Variants in KPNA3 observed in about 807,000 individuals in gnomAD.
The protein encoded by KPNA3 is karyopherin subunit alpha 3.
A neutral mutation model predicts 73.8 loss-of-function variants in KPNA3; 13 were observed. The ratio of observed to expected loss-of-function variants is 0.18; its 90% CI spans 0.11 to 0.28. The LOEUF is 0.28. Ranked by LOEUF, KPNA3 falls within the 10% of genes least tolerant of loss-of-function variation. The pLI, the probability that KPNA3 is intolerant of heterozygous loss-of-function variation, is 1.00. For missense variants in KPNA3, 360 were observed against 618.1 expected (o/e 0.58, Z 4.43); for synonymous variants, 186 against 206.9 (o/e 0.90, Z 0.87).
chr13:49,755,247 A>T lies in KPNA3; in HGVS notation c.70-8254T>A, dbSNP rs368287751. ...AAACCATACTAATAGACTAATGAAG[A>T]CAAATCAATGATTATATTATTCAAT... is the stretch of plus-strand genomic sequence containing the variant. On this transcript the variant is annotated intron_variant, in intron 1 of 16. Transcript: ENST00000261667. Among the ~76,000 whole-genome samples, 126 of 152,316 alleles carry T rather than the reference A, an allele frequency of 8.3e-4. 2 individuals carry two copies. The South Asian group carries it at 9.5e-3, about 12-fold the overall frequency.
intron 1 of KPNA3, among the ~76,000 whole-genome samples, chr13:49,757,405 T>G (rs183675682): frequency 6.6e-6 from 1 of 152,096 alleles, no homozygotes; most frequent in African/African-American, 2.4e-5. Context: ...GAAAAAATAT[T>G]TCATGGAAGA....
rs549665628 is a variant in KPNA3 at position 49,701,704 on chromosome 13, G to A, written c.*96C>T. 2 of 836,544 alleles carry A rather than the reference G, an allele frequency of 2.4e-6. No homozygotes were observed. The highest frequency in any genetic ancestry group is 2.7e-5 in the South Asian group (2 of 73,438). The allele number at this position is 836,544 out of a possible 1,614,324, so 51.8% of individuals were successfully genotyped here. On this transcript the variant is annotated 3_prime_UTR_variant, in exon 17 of 17. Coordinates refer to ENST00000261667, the MANE Select transcript of KPNA3 (RefSeq NM_002267.4). Reference sequence around the variant, plus strand: ...AGCATCAAAACAAAGAGGCATGTGTGTTTTGGAGCCTTTTGTTGCTGTTGT... The same window carrying A: ...AGCATCAAAACAAAGAGGCATGTGTATTTTGGAGCCTTTTGTTGCTGTTGT...
intron 10 of KPNA3, among the ~76,000 whole-genome samples, chr13:49,711,847 G>T (rs1954262969): frequency 6.6e-6 from 1 of 152,104 alleles, no homozygotes; most frequent in Non-Finnish European, 1.5e-5. Context: ...TTCAAAAAAG[G>T]ATATAGATGA....
chr13:49,732,701 C>T, intron 4 of KPNA3, 44 bp from the exon 5 acceptor site: 1 of 1,556,718 alleles, frequency 6.4e-7, no homozygotes, highest in Non-Finnish European at 8.8e-7. Flanking sequence ...AAAAAAAAAT[C>T]AATTTCAAAA....
At position 49,750,923 on chromosome 13, in the gene KPNA3, C is replaced by T. The variant is rs759359092; in HGVS notation, c.70-3930G>A. On this transcript the variant is annotated intron_variant, in intron 1 of 16. Coordinates refer to ENST00000261667, the MANE Select transcript of KPNA3 (RefSeq NM_002267.4). Reference sequence around the variant, plus strand: ...ACAAGAATTGCTTGAACCTGGGAGGCGGAGGTTGCCATGAGCCACGAGTGG... The same window carrying T: ...ACAAGAATTGCTTGAACCTGGGAGGTGGAGGTTGCCATGAGCCACGAGTGG... 5.3e-5 allele frequency among the ~76,000 whole-genome samples: 8 copies of T among 151,822 alleles called. 1 individual carries two copies. The highest frequency in any genetic ancestry group is 3.2e-3 in the Middle Eastern group (1 of 316).
chr13:49,777,649 C>A (rs1954908036), intron 1 of KPNA3, among the ~76,000 whole-genome samples: 1 of 150,824 alleles, frequency 6.6e-6, no homozygotes, highest in Admixed American at 6.7e-5. Flanking sequence ...TACAGGCACA[C>A]GACAATGCAC....
At chr13:49,757,903 G>A (rs1954725333) in intron 1 of KPNA3, among the ~76,000 whole-genome samples, 2 of 152,176 alleles carry the variant, frequency 1.3e-5, no homozygotes, top group African/African-American at 4.8e-5. Context: ...CTTGCAAGAT[G>A]TTACCACTGG....
chr13:49,761,411 G>C (rs1055151875), intron 1 of KPNA3, among the ~76,000 whole-genome samples: 1 of 152,236 alleles, frequency 6.6e-6, no homozygotes, highest in Non-Finnish European at 1.5e-5. Flanking sequence ...ACTGGTTTTC[G>C]TATTTTTTTG....
intron 1 of KPNA3, among the ~76,000 whole-genome samples, chr13:49,749,092 A>G (rs1292600134): frequency 1.3e-5 from 2 of 152,236 alleles, no homozygotes; most frequent in Non-Finnish European, 2.9e-5. Context: ...AAGATGATGC[A>G]TAACAAAAAG....
chr13:49,755,829 C>T (rs2137577455), intron 1 of KPNA3, among the ~76,000 whole-genome samples: 2 of 152,254 alleles, frequency 1.3e-5, no homozygotes, highest in Admixed American at 1.3e-4. Flanking sequence ...CAATTATTTG[C>T]AGAAAAGATG....
chr13:49,733,307 G>A (rs1359385389), intron 2 of KPNA3, among the ~76,000 whole-genome samples: 1 of 58,764 alleles, frequency 1.7e-5, no homozygotes. Context: ...TTTTTTTGGA[G>A]ACAAGAGTCT....
At chr13:49,708,776 G>C (rs1954231795) in intron 12 of KPNA3, among the ~76,000 whole-genome samples, 1 of 152,126 alleles carries the variant, frequency 6.6e-6, no homozygotes, top group South Asian at 2.1e-4. Flanking sequence ...CAGGCATGAA[G>C]ACTTATTACA....
intron 1 of KPNA3, among the ~76,000 whole-genome samples, chr13:49,753,572 T>A (rs998007385): frequency 6.6e-6 from 1 of 152,202 alleles, no homozygotes; most frequent in Non-Finnish European, 1.5e-5. Context: ...GATTAAATAG[T>A]CCTTATAAGG....
intron 2 of KPNA3, among the ~76,000 whole-genome samples, chr13:49,734,941 A>C (rs1954507130): frequency 8.3e-6 from 1 of 121,180 alleles, no homozygotes; most frequent in African/African-American, 3.0e-5. Flanking sequence ...ATATATATAG[A>C]GAGAGAGATA....
intron 1 of KPNA3, among the ~76,000 whole-genome samples, chr13:49,784,427 T>C (rs928307173): frequency 1.3e-5 from 2 of 152,202 alleles, no homozygotes; most frequent in Admixed American, 6.5e-5. Context: ...CAATTTCATA[T>C]AGTGCAATTT....
chr13:49,787,212 G>A (rs1042677437), intron 1 of KPNA3, among the ~76,000 whole-genome samples: 1 of 152,148 alleles, frequency 6.6e-6, no homozygotes, highest in African/African-American at 2.4e-5. Context: ...TAAGTGTTAA[G>A]CCCAAAGATA....
In KPNA3 at chr13:49,701,836, T is replaced by C; in HGVS notation, c.1530A>G (p.Pro510=). The stretch of plus-strand genomic sequence containing the variant: ...ATTCTTTTGTTTGAAGGTTGGCTGT[T>C]GGATCAAAATTGTAGGTACCTCCTT... ...ATQGGTYNFD[P]TANLQTKEFN... is the part of the protein sequence containing the mutation. The change falls in exon 17 of 17, where the codon CCA becomes CCG. Residue 510 remains proline, a synonymous_variant. Transcript: ENST00000261667. 6.2e-7 allele frequency: 1 copy of C among 1,613,084 alleles called. No individual in the cohort carries two copies. Among genetic ancestry groups the C allele is most frequent in the Non-Finnish European group, 8.5e-7 (1 of 1,179,086 alleles).
At chr13:49,708,226 A>G (rs574250172) in intron 12 of KPNA3, among the ~76,000 whole-genome samples, 1 of 151,990 alleles carries the variant, frequency 6.6e-6, no homozygotes, top group Non-Finnish European at 1.5e-5. Flanking sequence ...CAATCTCCTG[A>G]CCTCGTGATC....
intron 1 of KPNA3, among the ~76,000 whole-genome samples, chr13:49,756,148 C>T (rs1187802478): frequency 2.0e-5 from 3 of 152,160 alleles, no homozygotes; most frequent in Non-Finnish European, 4.4e-5. Flanking sequence ...GTGGTATATG[C>T]CTGTAGTCTC....
Sources: gnomAD v4.1 joint callset for allele counts (sites outside exome capture counted in the v4.1 genomes callset) on GRCh38, gnomAD v4.1.1 for gene constraint, MANE v1.5 for transcripts, NCBI Gene and HGNC (gene_info 2026-07-23, HGNC 2026-07-21) for gene names.